The following OOSP1 variants were observed in gnomAD, a reference collection of about 807,000 sequenced individuals.
OOSP1 encodes oocyte secreted protein 1, also known as putative oocyte-secreted protein 1 homolog.
OOSP1 carries 11 observed loss-of-function variants against 5.7 expected under a neutral mutation model. The observed-to-expected ratio is 1.94, with a 90% CI of 1.22 to 3.20. OOSP1 has a LOEUF of 3.20. OOSP1 is among the 30% of genes most tolerant of loss of function. The pLI, the probability that OOSP1 is intolerant of heterozygous loss-of-function variation, is 0.00. For missense variants in OOSP1, 83 were observed against 54.1 expected (o/e 1.53, Z -1.67); for synonymous variants, 44 against 20.0 (o/e 2.20, Z -3.20).
intron 4 of OOSP1, among the ~76,000 whole-genome samples, chr11:59,951,619 C>G (rs989146726): frequency 6.6e-6 from 1 of 151,694 alleles, no homozygotes; most frequent in Non-Finnish European, 1.5e-5. Flanking sequence ...GTGTGGAGAA[C>G]CAAGCAGTAT....
chr11:59,943,885 T>C (rs1853855759), intron 2 of OOSP1, among the ~76,000 whole-genome samples: 1 of 152,258 alleles, frequency 6.6e-6, no homozygotes, highest in Non-Finnish European at 1.5e-5. Context: ...TTACTTATTT[T>C]TTTCATTATC....
intron 4 of OOSP1, among the ~76,000 whole-genome samples, chr11:59,953,376 C>CAT (rs550307043): frequency 1.5e-3 from 222 of 151,732 alleles, no homozygotes; most frequent in Middle Eastern, 0.014. Flanking sequence ...TCTTAGATCT[C>CAT]ATATATATAT....
intron 2 of OOSP1, among the ~76,000 whole-genome samples, chr11:59,943,299 G>A (rs1853850121): frequency 6.6e-6 from 1 of 151,840 alleles, no homozygotes; most frequent in Non-Finnish European, 1.5e-5. Flanking sequence ...CATGGCACAT[G>A]TATACATATG....
chr11:59,955,210 CA>C (rs1175938525), intron 4 of OOSP1, among the ~76,000 whole-genome samples: 1 of 152,072 alleles, frequency 6.6e-6, no homozygotes, highest in Admixed American at 6.5e-5. Context: ...TAAAATATTT[CA>C]GTGAATGTGC....
chr11:59,946,023 C>G (rs1015654235), intron 3 of OOSP1, among the ~76,000 whole-genome samples: 1 of 151,900 alleles, frequency 6.6e-6, no homozygotes, highest in Non-Finnish European at 1.5e-5. Context: ...AGACCAGCAC[C>G]AAAGGGATGG....
At chr11:59,942,847 C>G in exon 2 of OOSP1, 1 of 699,440 alleles carries the variant, frequency 1.4e-6, no homozygotes, top group Non-Finnish European at 2.6e-6. Flanking sequence ...TGCTTTTCAG[C>G]TATTCAAGTA....
At position 59,957,199 on chromosome 11, in the gene OOSP1, TAA is replaced by T. The variant is rs1854001511; in HGVS notation, c.494_495del (p.Lys165SerfsTer6). ...AAATTTATTTTGTACCCTCAGGTTT[TAA>T]AAGTGAAGGTTATTTTTAGATATCT... On this transcript the variant is annotated frameshift_variant, in exon 5 of 5. Coordinates refer to ENST00000646685, the Ensembl canonical transcript of OOSP1. LOFTEE classifies it high-confidence loss of function. 8 of 397,972 alleles carry T rather than the reference TAA, an allele frequency of 2.0e-5. No individual in the cohort carries two copies. In the East Asian group the frequency reaches 2.9e-4, roughly 14 times the overall value. 24.7% of individuals were successfully genotyped at this position (397,972 alleles called of 1,614,324 possible).
chr11:59,942,762 A>G (rs1228440453), intron 1 of OOSP1, 85 bp from the exon 2 acceptor site: 1 of 616,108 alleles, frequency 1.6e-6, no homozygotes, highest in South Asian at 1.9e-5. Context: ...TGATCTCTTC[A>G]TTTGTATTAA....
intron 4 of OOSP1, among the ~76,000 whole-genome samples, chr11:59,955,527 T>C (rs1853986901): frequency 6.6e-6 from 1 of 152,198 alleles, no homozygotes; most frequent in Non-Finnish European, 1.5e-5. Flanking sequence ...TGAATAATTA[T>C]GTTGTATCAT....
chr11:59,950,746 T>C (rs1853932213), intron 4 of OOSP1, among the ~76,000 whole-genome samples: 1 of 152,012 alleles, frequency 6.6e-6, no homozygotes, highest in Admixed American at 6.6e-5. Context: ...TAAGGAAGTA[T>C]GAGAAGAAAG....
intron 4 of OOSP1, among the ~76,000 whole-genome samples, chr11:59,955,844 G>T (rs2134577044): frequency 6.6e-6 from 1 of 152,234 alleles, no homozygotes; most frequent in Middle Eastern, 3.4e-3. Context: ...TGTTGCCCAG[G>T]TTGGTCTTGA....
At chr11:59,948,389 T>C (rs546312479) in intron 4 of OOSP1, among the ~76,000 whole-genome samples, 40 of 152,288 alleles carry the variant, frequency 2.6e-4, no homozygotes, top group African/African-American at 9.1e-4. Flanking sequence ...TGGCTATTAA[T>C]AAAAGGATGG....
chr11:59,941,200 G>C (rs1321256227), intron 1 of OOSP1, among the ~76,000 whole-genome samples: 2 of 152,058 alleles, frequency 1.3e-5, no homozygotes, highest in Non-Finnish European at 2.9e-5. Flanking sequence ...TTTTCACTCA[G>C]TGTAATTCCT....
intron 4 of OOSP1, among the ~76,000 whole-genome samples, chr11:59,953,170 A>T (rs995642551): frequency 6.6e-6 from 1 of 152,064 alleles, no homozygotes; most frequent in Admixed American, 6.6e-5. Context: ...CCCCTTGATT[A>T]TTCTGGCTTA....
intron 4 of OOSP1, among the ~76,000 whole-genome samples, chr11:59,948,480 A>G (rs1442994815): frequency 6.6e-6 from 1 of 152,230 alleles, no homozygotes; most frequent in Non-Finnish European, 1.5e-5. Context: ...AAGTATCCTT[A>G]TTCACTTATA....
At chr11:59,945,947 G>A (rs928710760) in intron 3 of OOSP1, among the ~76,000 whole-genome samples, 1 of 152,004 alleles carries the variant, frequency 6.6e-6, no homozygotes, top group Non-Finnish European at 1.5e-5. Context: ...GCTGGAGCAG[G>A]AGGAAGTGGT....
chr11:59,957,067 T>C (rs143752174), intron 4 of OOSP1, 128 bp from the exon 5 acceptor site: 213 of 388,682 alleles, frequency 5.5e-4, no homozygotes, highest in African/African-American at 3.3e-3. Context: ...TAAAAACAAA[T>C]ATGCCTTTCT....
intron 1 of OOSP1, among the ~76,000 whole-genome samples, chr11:59,939,465 T>C (rs949652448): frequency 6.6e-6 from 1 of 152,176 alleles, no homozygotes; most frequent in African/African-American, 2.4e-5. Flanking sequence ...TTGGCCAGGC[T>C]GGTCTCAAAC....
chr11:59,946,923 C>A (rs1055652658), intron 3 of OOSP1, among the ~76,000 whole-genome samples: 5 of 113,954 alleles, frequency 4.4e-5, no homozygotes, highest in African/African-American at 1.7e-4. Flanking sequence ...CCATATCTAT[C>A]TATCTATCTA....
Sources: gnomAD v4.1 joint callset for allele counts (sites outside exome capture counted in the v4.1 genomes callset) on GRCh38, gnomAD v4.1.1 for gene constraint, MANE v1.5 for transcripts, NCBI Gene and HGNC (gene_info 2026-07-23, HGNC 2026-07-21) for gene names.